The following NCKAP5 variants were observed in gnomAD, a reference collection of about 807,000 sequenced individuals.
NCKAP5 encodes the protein NCK associated protein 5.
In NCKAP5, 92 loss-of-function variants were observed where a neutral mutation model predicts 167.0. The observed-to-expected ratio is 0.55, with a 90% confidence interval of 0.47 to 0.66. The LOEUF (loss-of-function observed/expected upper bound fraction) is 0.66. Among genes scored for constraint, NCKAP5 ranks in the 30% least tolerant of loss-of-function variants. The pLI, the probability that NCKAP5 is intolerant of heterozygous loss-of-function variation, is 0.00. For synonymous variants in NCKAP5, 891 were observed against 877.4 expected, an observed-to-expected ratio of 1.02 and a Z score of -0.27; for missense variants, 2,378 against 2,315.0, an observed-to-expected ratio of 1.03 and a Z score of -0.56.
chr2:133,537,696 T>G (rs1302461915), intron 2 of NCKAP5, among the ~76,000 whole-genome samples: 1 of 152,174 alleles, frequency 6.6e-6, no homozygotes, highest in Non-Finnish European at 1.5e-5. Context: ...AAGATGCATT[T>G]TTATTTTAGC....
chr2:133,000,743 G>T (rs1426875182), intron 6 of NCKAP5, among the ~76,000 whole-genome samples: 1 of 152,060 alleles, frequency 6.6e-6, no homozygotes, highest in Admixed American at 6.6e-5. Flanking sequence ...TTCAAAACAG[G>T]TGTCCATCAA....
intron 5 of NCKAP5, among the ~76,000 whole-genome samples, chr2:133,206,102 G>A (rs981478690): frequency 1.7e-4 from 26 of 152,192 alleles, no homozygotes; most frequent in African/African-American, 4.8e-4. Flanking sequence ...GACAGAAGGC[G>A]TTCTAGTCTG....
intron 3 of NCKAP5, among the ~76,000 whole-genome samples, chr2:133,442,976 G>T (rs1305421297): frequency 6.6e-6 from 1 of 152,224 alleles, no homozygotes; most frequent in Non-Finnish European, 1.5e-5. Flanking sequence ...ATTTAAGGTT[G>T]CCTCTTGGTG....
At chr2:132,931,247 A>G (rs1696352582) in intron 8 of NCKAP5, 2 of 152,236 alleles carry the variant, frequency 1.3e-5, no homozygotes. Context: ...TATCTGAGTG[A>G]TTGTGGATGA....
chr2:133,278,024 G>A (rs528119013), intron 4 of NCKAP5, among the ~76,000 whole-genome samples: 6 of 152,062 alleles, frequency 3.9e-5, no homozygotes, highest in Admixed American at 2.0e-4. Flanking sequence ...ATGAAACCAC[G>A]CCATCACAAG....
the NCKAP5 span, among the ~76,000 whole-genome samples, chr2:133,589,932 T>C: frequency 8.5e-5 from 13 of 152,216 alleles, no homozygotes; most frequent in African/African-American, 3.1e-4. Context: ...CCCAGTTGCC[T>C]GAAAGCAACT....
Position 133,225,910 on chromosome 2 carries a change from G to A in NCKAP5, c.144-12131C>T, listed in dbSNP as rs547759734. On this transcript the variant is annotated intron_variant, in intron 4 of 19. Coordinates refer to ENST00000409261, the MANE Select transcript of NCKAP5 (RefSeq NM_207363.3). ...AGATTCTCCTGCCTCAGCCTCCCGAGTAGCTGGGACTACAGGCACGTGCCA... is the reference window on the plus strand; with the variant it reads ...AGATTCTCCTGCCTCAGCCTCCCGAATAGCTGGGACTACAGGCACGTGCCA... Among the ~76,000 whole-genome samples, 17 of 147,554 alleles carry A rather than the reference G, an allele frequency of 1.2e-4. No individual in the cohort carries two copies. The East Asian group carries it at 3.5e-3, about 31-fold the overall frequency.
At chr2:133,373,372 A>G (rs1229585372) in intron 3 of NCKAP5, among the ~76,000 whole-genome samples, 1 of 152,188 alleles carries the variant, frequency 6.6e-6, no homozygotes, top group Non-Finnish European at 1.5e-5. Context: ...ATATATATGT[A>G]CTATCTACAG....
chr2:133,329,042 C>A (rs1682648470), intron 3 of NCKAP5, among the ~76,000 whole-genome samples: 1 of 152,082 alleles, frequency 6.6e-6, no homozygotes, highest in Non-Finnish European at 1.5e-5. Context: ...TTAGAGTTTC[C>A]TTTAACTGTT....
At chr2:132,907,601 C>A (rs1694099295) in intron 8 of NCKAP5, among the ~76,000 whole-genome samples, 2 of 118,284 alleles carry the variant, frequency 1.7e-5, no homozygotes, top group South Asian at 5.0e-4. Flanking sequence ...AAGGCTCTTA[C>A]CACTCAAAGA....
intron 4 of NCKAP5, among the ~76,000 whole-genome samples, chr2:133,260,301 A>G (rs949441054): frequency 6.6e-6 from 1 of 152,214 alleles, no homozygotes; most frequent in Admixed American, 6.5e-5. Context: ...TGAACAGATG[A>G]GTGAAAAAAG....
chr2:132,929,844 C>T (rs1340709921), intron 8 of NCKAP5: 3 of 152,170 alleles, frequency 2.0e-5, no homozygotes, highest in Non-Finnish European at 4.4e-5. Flanking sequence ...CAGTAAACTA[C>T]ATTTTCTCTG....
At chr2:133,053,920 T>C (rs989173972) in intron 6 of NCKAP5, among the ~76,000 whole-genome samples, 1 of 152,232 alleles carries the variant, frequency 6.6e-6, no homozygotes, top group Non-Finnish European at 1.5e-5. Flanking sequence ...AAATCATATA[T>C]AATTTAACTT....
chr2:132,706,922 C>T (rs7589649), intron 19 of NCKAP5, among the ~76,000 whole-genome samples: 8,975 of 152,170 alleles, frequency 0.059, 848 homozygotes, highest in African/African-American at 0.2. Flanking sequence ...CTGAGAGTGA[C>T]TCCGGCCTAA....
Position 133,386,123 on chromosome 2 carries a change from A to C in NCKAP5, c.70-83013T>G, listed in dbSNP as rs187859115. On this transcript the variant is annotated intron_variant, in intron 3 of 19. Transcript: ENST00000409261. ...TGTGTTTGCTCTTGCTTCTCTAGTT[A>C]TTTTAATTGCAATGTTAGGGTGACA... is the stretch of plus-strand genomic sequence containing the variant. Among the ~76,000 whole-genome samples the C allele has an allele frequency of 4.9e-4, 75 of 152,038 alleles. 1 individual carries two copies. The highest frequency in any genetic ancestry group is 3.0e-3 in the Admixed American group (46 of 15,256).
chr2:132,946,942 A>C (rs565174286), intron 8 of NCKAP5, among the ~76,000 whole-genome samples: 5 of 152,326 alleles, frequency 3.3e-5, no homozygotes, highest in African/African-American at 1.2e-4. Flanking sequence ...TACAGGATGT[A>C]TTTTTGAAAA....
At chr2:132,733,174 A>G (rs927707747) in intron 16 of NCKAP5, among the ~76,000 whole-genome samples, 1 of 152,192 alleles carries the variant, frequency 6.6e-6, no homozygotes, top group Non-Finnish European at 1.5e-5. Flanking sequence ...GTGGTTTATC[A>G]AGGCCAATGA....
the NCKAP5 span, among the ~76,000 whole-genome samples, chr2:133,625,077 T>C: frequency 6.6e-6 from 1 of 152,342 alleles, no homozygotes; most frequent in African/African-American, 2.4e-5. Flanking sequence ...CTTGAAACTT[T>C]TCAGTAATCA....
At chr2:133,651,715 G>T in the NCKAP5 span, among the ~76,000 whole-genome samples, 1 of 152,168 alleles carries the variant, frequency 6.6e-6, no homozygotes, top group Non-Finnish European at 1.5e-5. Context: ...AGTCTCATGT[G>T]TATTACAGTA....
Sources: allele counts gnomAD v4.1 joint callset (sites outside exome capture counted in the v4.1 genomes callset), GRCh38; gene constraint gnomAD v4.1.1; transcripts MANE v1.5; gene names NCBI Gene and HGNC (gene_info 2026-07-23, HGNC 2026-07-21).